ENPP6: variants seen among roughly 807,000 people sequenced by gnomAD.
ENPP6 encodes glycerophosphocholine cholinephosphodiesterase ENPP6.
Under a neutral mutation model 42.0 loss-of-function variants are expected in ENPP6, and 32 were observed. That is an observed-to-expected ratio of 0.76 (90% CI 0.58 to 1.02). The LOEUF is 1.02. Ranked by LOEUF, ENPP6 falls within the 50% of genes least tolerant of loss-of-function variation. The pLI, the probability that ENPP6 is intolerant of heterozygous loss-of-function variation, is 0.00. For synonymous variants in ENPP6, 213 were observed against 216.0 expected (o/e 0.99, Z 0.12); for missense variants, 552 against 566.8 (o/e 0.97, Z 0.27).
At chr4:184,208,652 G>C (rs374825616) in intron 1 of ENPP6, among the ~76,000 whole-genome samples, 35 of 148,602 alleles carry the variant, frequency 2.4e-4, no homozygotes, top group Non-Finnish European at 3.4e-4. Context: ...AGGCGGCAGC[G>C]AGGCTGGGGG....
intron 1 of ENPP6, among the ~76,000 whole-genome samples, chr4:184,188,882 C>A (rs1228652330): frequency 6.6e-6 from 1 of 152,150 alleles, no homozygotes; most frequent in Non-Finnish European, 1.5e-5. Flanking sequence ...AACCCTGGCC[C>A]TATTAACACT....
intron 1 of ENPP6, among the ~76,000 whole-genome samples, chr4:184,198,452 CT>C (rs1488433509): frequency 1.3e-5 from 2 of 152,192 alleles, no homozygotes; most frequent in Non-Finnish European, 2.9e-5. Context: ...CATAGATGGC[CT>C]TTAGTCCTGC....
In ENPP6 at chr4:184,091,318, A is replaced by T; in HGVS notation, c.1182T>A (p.Asn394Lys). Residue 394 changes from asparagine to lysine, a missense_variant, in exon 8 of 8, where the codon AAT becomes AAA. Physicochemically the swap from Asn to Lys is moderately conservative, Grantham distance 94 (BLOSUM62 0). Coordinates refer to ENST00000296741, the MANE Select transcript of ENPP6 (RefSeq NM_153343.4). ...RSVDVYNVMC[N>K]VVGITPLPNN... Reference sequence around the variant, plus strand: ...TGGGCAGCGGGGTGATGCCCACCACATTGCACATGACATTGTAGACGTCCA... The same window carrying T: ...TGGGCAGCGGGGTGATGCCCACCACTTTGCACATGACATTGTAGACGTCCA... 1 of 1,614,134 alleles carries T rather than the reference A, an allele frequency of 6.2e-7. No individual in the cohort carries two copies. Among genetic ancestry groups the T allele is most frequent in the Non-Finnish European group, 8.5e-7 (1 of 1,180,008 alleles).
chr4:184,142,572 G>C lies in ENPP6; in HGVS notation c.421+10982C>G, dbSNP rs138211719. ...AAGAGGGTGGGCTAGCCTGAGCGCA[G>C]GGTGGCCCTGCAGACTGGCCTTGTG... On this transcript the variant is annotated intron_variant, in intron 2 of 7. Coordinates refer to ENST00000296741, the MANE Select transcript of ENPP6 (RefSeq NM_153343.4). Among the ~76,000 whole-genome samples, 270 of 152,342 alleles carry C rather than the reference G, an allele frequency of 1.8e-3. 2 individuals are homozygous for C. Among genetic ancestry groups the C allele is most frequent in the African/African-American group, 6.2e-3 (256 of 41,572 alleles).
intron 1 of ENPP6, among the ~76,000 whole-genome samples, chr4:184,212,814 C>G (rs1401732821): frequency 6.6e-6 from 1 of 152,046 alleles, no homozygotes; most frequent in East Asian, 1.9e-4. Flanking sequence ...AAGCTGGAGG[C>G]ATCACACTAC....
intron 2 of ENPP6, among the ~76,000 whole-genome samples, chr4:184,140,564 A>G (rs1736802072): frequency 7.8e-6 from 1 of 128,960 alleles, no homozygotes; most frequent in African/African-American, 3.0e-5. Context: ...GGAACAGAAC[A>G]GAGCCCTCAG....
At chr4:184,148,734 T>C (rs192462798) in intron 2 of ENPP6, among the ~76,000 whole-genome samples, 163 of 152,358 alleles carry the variant, frequency 1.1e-3, no homozygotes, top group African/African-American at 3.8e-3. Context: ...CAGACATTAA[T>C]TGCAGAAGCT....
intron 6 of ENPP6, among the ~76,000 whole-genome samples, chr4:184,109,244 AAAAC>A (rs896048784): frequency 8.4e-6 from 1 of 119,108 alleles, no homozygotes; most frequent in African/African-American, 4.4e-5. Flanking sequence ...AAAAAAAAAC[AAAAC>A]AAACAAACAA....
At chr4:184,170,644 G>A (rs1293033182) in intron 1 of ENPP6, among the ~76,000 whole-genome samples, 2 of 152,134 alleles carry the variant, frequency 1.3e-5, no homozygotes, top group African/African-American at 4.8e-5. Context: ...CCATTAGCAT[G>A]TTCCTTAGTC....
Position 184,144,287 on chromosome 4 carries a change from C to T in ENPP6, c.421+9267G>A, listed in dbSNP as rs113816555. Among the ~76,000 whole-genome samples, 946 of 152,330 alleles carry T rather than the reference C, an allele frequency of 6.2e-3. 11 individuals carry two copies. The highest frequency in any genetic ancestry group is 0.021 in the African/African-American group (887 of 41,576). ...AGGACTCCTCCCTCCAAATCTACCA[C>T]CCCCAGACTGTGCTCTGGGGAGTTG... On this transcript the variant is annotated intron_variant, in intron 2 of 7. Transcript: ENST00000296741.
intron 2 of ENPP6, among the ~76,000 whole-genome samples, chr4:184,148,432 A>G (rs754622661): frequency 6.6e-6 from 1 of 152,224 alleles, no homozygotes; most frequent in Non-Finnish European, 1.5e-5. Flanking sequence ...ACAGCTATAA[A>G]AACTTTTGAA....
chr4:184,193,981 C>T (rs1346529369), intron 1 of ENPP6, among the ~76,000 whole-genome samples: 2 of 152,172 alleles, frequency 1.3e-5, no homozygotes, highest in Non-Finnish European at 2.9e-5. Flanking sequence ...TTGCTGAGAT[C>T]CTAATGCTAT....
chr4:184,122,795 T>C (rs948975471), intron 3 of ENPP6, among the ~76,000 whole-genome samples: 3 of 152,200 alleles, frequency 2.0e-5, no homozygotes, highest in Non-Finnish European at 2.9e-5. Flanking sequence ...AAATTTCATA[T>C]TTGGCACAGC....
At chr4:184,214,669 A>T (rs772190898) in intron 1 of ENPP6, among the ~76,000 whole-genome samples, 1 of 152,358 alleles carries the variant, frequency 6.6e-6, no homozygotes, top group East Asian at 1.9e-4. Flanking sequence ...GAATGTGTTC[A>T]TGTCCTTTGC....
intron 2 of ENPP6, among the ~76,000 whole-genome samples, chr4:184,146,198 T>TGGGAGGAGTGGATCATGAGGTC: frequency 6.6e-6 from 1 of 151,794 alleles, no homozygotes; most frequent in Non-Finnish European, 1.5e-5. Context: ...TTTGAGAGGC[T>TGGGAGGAGTGGATCATGAGGTC]GGGAGGAGTG....
At position 184,089,849 on chromosome 4, in the gene ENPP6, A is replaced by T. The variant is rs1390465005; in HGVS notation, c.*1328T>A. 1 of 152,220 alleles carries T rather than the reference A, an allele frequency of 6.6e-6. No individual in the cohort carries two copies. The highest frequency in any genetic ancestry group is 1.5e-5 in the Non-Finnish European group (1 of 68,050). The allele number at this position is 152,220 out of a possible 1,614,324, so 9.4% of individuals were successfully genotyped here. Reference sequence around the variant, plus strand: ...CAAGTATATATATGTATATAGATATAAATGATCATGTAAAAAGGAGTTATT... The same window carrying T: ...CAAGTATATATATGTATATAGATATTAATGATCATGTAAAAAGGAGTTATT... On this transcript the variant is annotated 3_prime_UTR_variant, in exon 8 of 8. Transcript: ENST00000296741.
At position 184,153,560 on chromosome 4, in the gene ENPP6, A is replaced by G; in HGVS notation, c.415T>C (p.Trp139Arg). 3.1e-6 allele frequency: 5 copies of G among 1,612,976 alleles called. No individual in the cohort carries two copies. The highest frequency in any genetic ancestry group is 4.2e-6 in the Non-Finnish European group (5 of 1,179,556). Residue 139 changes from tryptophan to arginine, a missense_variant, in exon 2 of 8, where the codon TGG becomes CGG. Physicochemically the swap from Trp to Arg is moderately radical, Grantham distance 101. Coordinates refer to ENST00000296741, the MANE Select transcript of ENPP6 (RefSeq NM_153343.4). ...TGGATGTTCACACACTCACCTGGCCAGTAGTACATGTAGACCTTCCTTTTG... is the reference window on the plus strand; with the variant it reads ...TGGATGTTCACACACTCACCTGGCCGGTAGTACATGTAGACCTTCCTTTTG... ...KAKRKVYMYY[W>R]PGCEVEILGV...
chr4:184,124,132 A>T, intron 3 of ENPP6, 29 bp downstream of exon 3: 3 of 1,548,436 alleles, frequency 1.9e-6, no homozygotes, highest in Non-Finnish European at 2.7e-6. Context: ...AAGGAAGAAA[A>T]TGGTGTGGCT....
At chr4:184,160,173 T>C (rs953452461) in intron 1 of ENPP6, among the ~76,000 whole-genome samples, 7 of 152,220 alleles carry the variant, frequency 4.6e-5, no homozygotes, top group African/African-American at 1.7e-4. Context: ...TACATAGCAG[T>C]GGTATTACTG....
Sources: gnomAD v4.1 joint callset for allele counts (sites outside exome capture counted in the v4.1 genomes callset) on GRCh38, gnomAD v4.1.1 for gene constraint, MANE v1.5 for transcripts, NCBI Gene and HGNC (gene_info 2026-07-23, HGNC 2026-07-21) for gene names.